The following DCAF8L2 variants were observed in gnomAD, a reference collection of about 807,000 sequenced individuals.
DCAF8L2 encodes DDB1 and CUL4 associated factor 8 like 2, also known as DDB1- and CUL4-associated factor 8-like protein 2.
For missense variants in DCAF8L2, 430 were observed against 490.7 expected, an observed-to-expected ratio of 0.88 and a Z score of 1.17; for synonymous variants, 200 against 190.9, an observed-to-expected ratio of 1.05 and a Z score of -0.39.
At chrX:27,722,301 T>C (rs987488412) in intron 4 of DCAF8L2, among the ~76,000 whole-genome samples, 1 of 111,576 alleles carries the variant, frequency 9.0e-6, no homozygotes, top group African/African-American at 3.2e-5. Context: ...CGACTTACAA[T>C]GTGGTTACGT....
intron 3 of DCAF8L2, among the ~76,000 whole-genome samples, chrX:27,695,589 C>A: frequency 9.0e-6 from 1 of 111,319 alleles, no homozygotes. Context: ...TATAACAATA[C>A]CTACTTCTCA....
At chrX:27,690,613 G>GAA (rs77177381) in intron 3 of DCAF8L2, among the ~76,000 whole-genome samples, 5 of 104,153 alleles carry the variant, frequency 4.8e-5, no homozygotes, top group African/African-American at 1.0e-4. Context: ...ACTAAAAGGA[G>GAA]AAAAAAAAAA....
the DCAF8L2 span, among the ~76,000 whole-genome samples, chrX:27,469,485 G>T: frequency 9.0e-6 from 1 of 111,405 alleles, no homozygotes; most frequent in African/African-American, 3.3e-5. Flanking sequence ...ATATATTTAC[G>T]TCATACAATA....
At chrX:27,606,679 G>C (rs1183666137) in intron 1 of DCAF8L2, among the ~76,000 whole-genome samples, 1 of 109,202 alleles carries the variant, frequency 9.2e-6, no homozygotes, top group Non-Finnish European at 1.9e-5. Context: ...CCAATTCCTA[G>C]TAGTATATTT....
chrX:27,723,215 A>G (rs1255635498), intron 4 of DCAF8L2, among the ~76,000 whole-genome samples: 1 of 110,546 alleles, frequency 9.0e-6, no homozygotes, highest in African/African-American at 3.3e-5. Flanking sequence ...CCAAAAATCA[A>G]AATCCAGAAG....
intron 2 of DCAF8L2, among the ~76,000 whole-genome samples, chrX:27,659,044 C>G (rs1004850593): frequency 1.8e-5 from 2 of 111,540 alleles, no homozygotes; most frequent in African/African-American, 3.3e-5. Flanking sequence ...TTGAATACCC[C>G]CAGTGGGAGT....
chrX:27,698,460 A>G (rs368348094), intron 3 of DCAF8L2, among the ~76,000 whole-genome samples: 1 of 111,518 alleles, frequency 9.0e-6, no homozygotes, highest in African/African-American at 3.3e-5. Flanking sequence ...GAGAGGACAC[A>G]TGAGAGGATC....
chrX:27,606,116 T>A (rs1926856545), intron 1 of DCAF8L2, among the ~76,000 whole-genome samples: 1 of 103,640 alleles, frequency 9.6e-6, no homozygotes, highest in South Asian at 4.4e-4. Context: ...AAGTACTGAT[T>A]GTCTTAAAAA....
At chrX:27,607,505 G>A (rs1051455457) in intron 1 of DCAF8L2, among the ~76,000 whole-genome samples, 2 of 111,021 alleles carry the variant, frequency 1.8e-5, no homozygotes, top group Admixed American at 9.6e-5. Flanking sequence ...CTTCTAAGAC[G>A]GGCTGAGTCT....
At chrX:27,588,325 C>T (rs946750550), upstream of DCAF8L2, among the ~76,000 whole-genome samples, 2 of 110,182 alleles carry the variant, frequency 1.8e-5, no homozygotes, top group Non-Finnish European at 3.8e-5. Flanking sequence ...GCAAAGGACA[C>T]GATTTCTATC....
At chrX:27,522,711 A>G in the DCAF8L2 span, among the ~76,000 whole-genome samples, 11 of 112,434 alleles carry the variant, frequency 9.8e-5, no homozygotes, top group Non-Finnish European at 1.3e-4. Context: ...TTCACTTAGC[A>G]TAATGTCCTC....
chrX:27,746,175 T>C (rs1246768906), intron 4 of DCAF8L2, among the ~76,000 whole-genome samples: 1 of 112,022 alleles, frequency 8.9e-6, no homozygotes, highest in African/African-American at 3.2e-5. Context: ...CATGTTAAAT[T>C]TGAATTTCAG....
chrX:27,648,714 C>G (rs1929039323), intron 2 of DCAF8L2, among the ~76,000 whole-genome samples: 1 of 110,736 alleles, frequency 9.0e-6, no homozygotes, highest in Non-Finnish European at 1.9e-5. Flanking sequence ...ACTGATGTTA[C>G]AAGTCTCAGG....
intron 3 of DCAF8L2, among the ~76,000 whole-genome samples, chrX:27,697,306 TATA>T (rs1434979091): frequency 8.9e-6 from 1 of 111,854 alleles, no homozygotes; most frequent in Non-Finnish European, 1.9e-5. Flanking sequence ...TCAATATTCA[TATA>T]ATCCTCTCAC....
chrX:27,695,336 C>T (rs115494103), intron 3 of DCAF8L2, among the ~76,000 whole-genome samples: 2,894 of 112,276 alleles, frequency 0.026, 88 homozygotes, highest in African/African-American at 0.087. Context: ...AGCAACTTTA[C>T]TTGCCAATAG....
chrX:27,580,498 G>A, the DCAF8L2 span, among the ~76,000 whole-genome samples: 1 of 111,310 alleles, frequency 9.0e-6, no homozygotes, highest in African/African-American at 3.3e-5. Context: ...ACATAATTCT[G>A]TGCTGGACAC....
At chrX:27,502,582 C>T in the DCAF8L2 span, among the ~76,000 whole-genome samples, 3 of 106,955 alleles carry the variant, frequency 2.8e-5, no homozygotes, top group African/African-American at 1.0e-4. Flanking sequence ...TTATAAGACG[C>T]TTATTTATTG....
the DCAF8L2 span, among the ~76,000 whole-genome samples, chrX:27,473,535 G>T: frequency 9.1e-6 from 1 of 109,564 alleles, no homozygotes; most frequent in Non-Finnish European, 1.9e-5. Flanking sequence ...ATGCTAAATT[G>T]CTTTCTTTCA....
At chrX:27,514,253 A>ACATATGTACC in the DCAF8L2 span, among the ~76,000 whole-genome samples, 1 of 39,508 alleles carries the variant, frequency 2.5e-5, no homozygotes, top group African/African-American at 6.3e-5. Flanking sequence ...ACATATGTAC[A>ACATATGTACC]TATATGTGTG....
Sources: gnomAD v4.1 joint callset for allele counts (sites outside exome capture counted in the v4.1 genomes callset) on GRCh38, gnomAD v4.1.1 for gene constraint, MANE v1.5 for transcripts, NCBI Gene and HGNC (gene_info 2026-07-23, HGNC 2026-07-21) for gene names.